Variants in DNAAF4 observed in about 807,000 individuals in gnomAD.
DNAAF4 encodes dynein axonemal assembly factor 4.
DNAAF4 carries 43 observed loss-of-function variants against 51.8 expected under a neutral mutation model. The observed-to-expected ratio is 0.83, with a 90% CI of 0.65 to 1.07. The LOEUF is 1.07. Ranked by LOEUF, DNAAF4 falls within the 50% of genes least tolerant of loss-of-function variation. The probability of loss-of-function intolerance (pLI) is 0.00; values close to 1 mark genes in which losing one functional copy is unlikely to be tolerated. For missense variants in DNAAF4, 581 were observed against 493.0 expected (o/e 1.18, Z -1.69); for synonymous variants, 194 against 165.6 (o/e 1.17, Z -1.32).
chr15:55,436,257 A>G (rs901632638), intron 7 of DNAAF4, among the ~76,000 whole-genome samples: 3 of 152,110 alleles, frequency 2.0e-5, no homozygotes, highest in South Asian at 4.1e-4. Context: ...GTGGCATCTC[A>G]TAGTGGTTTT....
In DNAAF4 at chr15:55,494,115, C is replaced by T. The variant is rs1344191597; in HGVS notation, c.272-2859G>A. Among the ~76,000 whole-genome samples the T allele has an allele frequency of 3.3e-5, 5 of 151,744 alleles. No homozygotes were observed. In the South Asian group the frequency reaches 6.2e-4, roughly 19 times the overall value. On this transcript the variant is annotated intron_variant, in intron 3 of 9. Coordinates refer to ENST00000321149, the MANE Select transcript of DNAAF4 (RefSeq NM_130810.4). ...CACAATCTCGGCTCACCGCAACCTC[C>T]GCCTCCCGGGTTAAAGTGATTCTCC... is the stretch of plus-strand genomic sequence containing the variant.
intron 3 of DNAAF4, among the ~76,000 whole-genome samples, chr15:55,493,867 G>C (rs941314511): frequency 2.6e-5 from 4 of 151,768 alleles, no homozygotes; most frequent in Non-Finnish European, 4.4e-5. Context: ...ACTATGCCCG[G>C]CTAATTTTTT....
At chr15:55,438,610 C>A (rs1378054310) in intron 7 of DNAAF4, among the ~76,000 whole-genome samples, 1 of 151,564 alleles carries the variant, frequency 6.6e-6, no homozygotes, top group Non-Finnish European at 1.5e-5. Flanking sequence ...GGTGAAACCC[C>A]GTCTCTACTA....
rs112527825 is a variant in DNAAF4, at chr15:55,494,276, G to A, written c.272-3020C>T. ...ACTCCCAACCTCAGATGATCAGCCCGCCTCGGCCTACCAAAGTGCTGGGAT... is the reference window on the plus strand; with the variant it reads ...ACTCCCAACCTCAGATGATCAGCCCACCTCGGCCTACCAAAGTGCTGGGAT... On this transcript the variant is annotated intron_variant, in intron 3 of 9. Coordinates refer to ENST00000321149, the MANE Select transcript of DNAAF4 (RefSeq NM_130810.4). 4.8e-3 allele frequency among the ~76,000 whole-genome samples: 732 copies of A among 152,172 alleles called. 2 individuals are homozygous for A. The highest frequency in any genetic ancestry group is 0.017 in the African/African-American group (696 of 41,530).
intron 5 of DNAAF4, among the ~76,000 whole-genome samples, chr15:55,458,509 A>G (rs2058051458): frequency 6.6e-6 from 1 of 152,192 alleles, no homozygotes; most frequent in African/African-American, 2.4e-5. Flanking sequence ...AGAATTTTAA[A>G]AAATGAACAA....
chr15:55,459,761 T>C (rs948386972), intron 5 of DNAAF4, among the ~76,000 whole-genome samples: 1 of 151,868 alleles, frequency 6.6e-6, no homozygotes, highest in Non-Finnish European at 1.5e-5. Context: ...TGGAGTGTAG[T>C]GGTGCAATCT....
At chr15:55,490,136 G>GTGCTGGGAT (rs2058550850) in intron 4 of DNAAF4, among the ~76,000 whole-genome samples, 1 of 152,042 alleles carries the variant, frequency 6.6e-6, no homozygotes, top group Admixed American at 6.6e-5. Context: ...CCTCCCAAAA[G>GTGCTGGGAT]TGCTGGGATT....
chr15:55,433,256 C>A (rs896479556), intron 8 of DNAAF4, among the ~76,000 whole-genome samples: 4 of 151,948 alleles, frequency 2.6e-5, no homozygotes, highest in Non-Finnish European at 5.9e-5. Flanking sequence ...GCCAAGAACG[C>A]ACCACTGCAC....
chr15:55,489,124 A>T (rs2058533908), intron 4 of DNAAF4, among the ~76,000 whole-genome samples: 1 of 152,056 alleles, frequency 6.6e-6, no homozygotes, highest in Non-Finnish European at 1.5e-5. Context: ...TTCAAGGTAC[A>T]ACATAGTGGT....
chr15:55,452,004 C>T (rs1044798190), intron 5 of DNAAF4, among the ~76,000 whole-genome samples: 3 of 151,706 alleles, frequency 2.0e-5, no homozygotes, highest in Non-Finnish European at 2.9e-5. Flanking sequence ...CCTAGCACTT[C>T]GGGATGCTGA....
At chr15:55,441,489 G>A (rs902963344) in intron 6 of DNAAF4, among the ~76,000 whole-genome samples, 3 of 151,886 alleles carry the variant, frequency 2.0e-5, no homozygotes, top group African/African-American at 7.3e-5. Flanking sequence ...ATGTATACAT[G>A]TGCCATGTTG....
Position 55,454,598 on chromosome 15 carries a change from G to A in DNAAF4, c.638-4231C>T, listed in dbSNP as rs370830773. On this transcript the variant is annotated intron_variant, in intron 5 of 9. Coordinates refer to ENST00000321149, the MANE Select transcript of DNAAF4 (RefSeq NM_130810.4). ...TCACCATGTTAGCCAGGCAAGTCTC[G>A]AACTCCTGGTCTCAAGTAATTCGCC... Among the ~76,000 whole-genome samples the A allele has an allele frequency of 2.1e-4, 32 of 152,012 alleles. No individual in the cohort carries two copies. In the East Asian group the frequency reaches 2.9e-3, roughly 14 times the overall value.
chr15:55,431,474 CTTTT>C (rs55839604), intron 9 of DNAAF4, among the ~76,000 whole-genome samples: 1 of 134,898 alleles, frequency 7.4e-6, no homozygotes. Context: ...TATATTTTAT[CTTTT>C]TTTTTTTTTT....
At position 55,461,575 on chromosome 15, in the gene DNAAF4, A is replaced by G. The variant is rs1210539303; in HGVS notation, c.637+5355T>C. On this transcript the variant is annotated intron_variant, in intron 5 of 9. Transcript: ENST00000321149. ...ATGAAATCAAGACGGAAATTTTAAA[A>G]TTCTTTGAACTGAACGATAATAGTG... Among the ~76,000 whole-genome samples, 11 of 152,308 alleles carry G rather than the reference A, an allele frequency of 7.2e-5. No homozygotes were observed. In the South Asian group the frequency reaches 1.5e-3, roughly 20 times the overall value.
chr15:55,488,459 G>A (rs1316391948), intron 4 of DNAAF4, among the ~76,000 whole-genome samples: 1 of 152,174 alleles, frequency 6.6e-6, no homozygotes, highest in African/African-American at 2.4e-5. Context: ...TTTCTTAACA[G>A]TGTCTAGGAT....
At chr15:55,444,101 G>C (rs1277144428) in intron 6 of DNAAF4, among the ~76,000 whole-genome samples, 1 of 152,142 alleles carries the variant, frequency 6.6e-6, no homozygotes, top group Non-Finnish European at 1.5e-5. Flanking sequence ...TGGTGTTTTA[G>C]ACATGAAGTC....
chr15:55,507,055 T>C (rs1328905942), intron 1 of DNAAF4, among the ~76,000 whole-genome samples: 1 of 152,100 alleles, frequency 6.6e-6, no homozygotes, highest in African/African-American at 2.4e-5. Flanking sequence ...TTCACCATGT[T>C]GGCCAGGCTG....
At chr15:55,461,311 TG>T (rs2058091623) in intron 5 of DNAAF4, among the ~76,000 whole-genome samples, 1 of 151,850 alleles carries the variant, frequency 6.6e-6, no homozygotes, top group South Asian at 2.1e-4. Flanking sequence ...GAGACCAGAA[TG>T]GTCTCGATCT....
intron 4 of DNAAF4, among the ~76,000 whole-genome samples, chr15:55,482,640 T>C (rs985158451): frequency 1.3e-5 from 2 of 151,944 alleles, no homozygotes; most frequent in African/African-American, 4.8e-5. Flanking sequence ...GATCATGCCA[T>C]TGCACTCCAG....
Sources: gnomAD v4.1 joint callset for allele counts (sites outside exome capture counted in the v4.1 genomes callset) on GRCh38, gnomAD v4.1.1 for gene constraint, MANE v1.5 for transcripts, NCBI Gene and HGNC (gene_info 2026-07-23, HGNC 2026-07-21) for gene names.